The following STAB2 variants were observed in gnomAD, a reference collection of about 807,000 sequenced individuals.
STAB2 encodes stabilin-2.
Under a neutral mutation model 338.1 loss-of-function variants are expected in STAB2, and 288 were observed. The observed-to-expected ratio is 0.85, with a 90% confidence interval of 0.77 to 0.94. The LOEUF is 0.94. Ranked by LOEUF, STAB2 falls within the 40% of genes least tolerant of loss-of-function variation. The pLI is 0.00. For missense variants in STAB2, 3,141 were observed against 3,210.1 expected (o/e 0.98, Z 0.52); for synonymous variants, 1,202 against 1,193.3 (o/e 1.01, Z -0.15).
At chr12:103,737,246 G>A (rs1168390042) in intron 52 of STAB2, among the ~76,000 whole-genome samples, 1 of 152,184 alleles carries the variant, frequency 6.6e-6, no homozygotes, top group East Asian at 1.9e-4. Flanking sequence ...GTTCAAGGGG[G>A]CAGGCTTTGA....
intron 41 of STAB2, 55 bp from the exon 42 acceptor site, chr12:103,713,588 C>T: frequency 6.2e-7 from 1 of 1,601,150 alleles, no homozygotes; most frequent in Non-Finnish European, 8.5e-7. Flanking sequence ...AGGAAAAATA[C>T]ATCAATGGCT....
intron 25 of STAB2, among the ~76,000 whole-genome samples, chr12:103,681,603 T>C (rs893887678): frequency 5.3e-5 from 8 of 149,964 alleles, no homozygotes; most frequent in African/African-American, 2.0e-4. Flanking sequence ...TGTCTCCAAA[T>C]TCCCCCCTAC....
intron 3 of STAB2, among the ~76,000 whole-genome samples, chr12:103,600,347 A>G (rs1956935731): frequency 6.6e-6 from 1 of 152,212 alleles, no homozygotes; most frequent in African/African-American, 2.4e-5. Flanking sequence ...TGAGGAGTGT[A>G]AAGAAGGTGA....
chr12:103,660,653 T>A (rs1207066927), intron 16 of STAB2, 30 bp from the exon 17 acceptor site: 1 of 1,612,662 alleles, frequency 6.2e-7, no homozygotes, highest in South Asian at 1.1e-5. Flanking sequence ...GTCCCAAATA[T>A]CTCTGCCTTT....
chr12:103,746,790 G>A, intron 58 of STAB2, 86 bp downstream of exon 58: 1 of 1,374,708 alleles, frequency 7.3e-7, no homozygotes, highest in Non-Finnish European at 1.0e-6. Context: ...CTTCATCCTA[G>A]CCCTCCTTCC....
chr12:103,677,358 T>G (rs922082319), intron 24 of STAB2, 95 bp from the exon 25 acceptor site: 1 of 1,467,780 alleles, frequency 6.8e-7, no homozygotes, highest in Non-Finnish European at 9.2e-7. Context: ...AAATCTGTGT[T>G]TCTGGAACAT....
rs200646555 is a variant in STAB2 at position 103,742,425 on chromosome 12, G to A, written c.5902G>A (p.Ala1968Thr). 2.5e-5 allele frequency: 41 copies of A among 1,614,046 alleles called. No individual in the cohort carries two copies. The highest frequency in any genetic ancestry group is 2.7e-5 in the Non-Finnish European group (32 of 1,180,024). Residue 1968 changes from alanine to threonine, a missense_variant, in exon 56 of 69, where the codon GCC becomes ACC. By Grantham distance (58) the Ala-to-Thr change is moderately conservative (BLOSUM62 0). Transcript: ENST00000388887. The part of the protein sequence containing the change: ...DCQACPGGPD[A>T]PCNNRGVCLD... ...TCCAGCCTGCCCTGGAGGACCAGAT[G>A]CCCCGTGTAATAACCGGGGTGTCTG...
Position 103,755,326 on chromosome 12 carries a change from G to C in STAB2, c.6739G>C (p.Gly2247Arg). 6.2e-7 allele frequency: 1 copy of C among 1,614,118 alleles called. No homozygotes were observed. ...QKAKYHLCSA[G>R]WLETGRVAYP... ...GGCCAAGTACCACCTGTGCTCAGCA[G>C]GCTGGCTGGAGACCGGGCGGGTTGC... is the stretch of plus-strand genomic sequence containing the variant. The change falls in exon 62 of 69, where the codon GGC becomes CGC. Residue 2247 changes from glycine to arginine, a missense_variant. Physicochemically the swap from Gly to Arg is moderately radical, Grantham distance 125. Transcript: ENST00000388887.
chr12:103,590,815 A>G, intron 1 of STAB2, 82 bp from the exon 2 acceptor site: 1 of 1,530,690 alleles, frequency 6.5e-7, no homozygotes, highest in Non-Finnish European at 9.0e-7. Context: ...GAGACATTCC[A>G]GTGGAGAAGA....
At chr12:103,653,572 C>CTGGA (rs1433019332) in intron 12 of STAB2, among the ~76,000 whole-genome samples, 2 of 138,416 alleles carry the variant, frequency 1.4e-5, no homozygotes, top group Non-Finnish European at 3.1e-5. Flanking sequence ...GGATAGGTCA[C>CTGGA]TGGATGGATG....
chr12:103,610,834 A>T (rs1957111368), intron 3 of STAB2, among the ~76,000 whole-genome samples: 1 of 152,122 alleles, frequency 6.6e-6, no homozygotes, highest in Non-Finnish European at 1.5e-5. Context: ...TAGTGCTATA[A>T]ATTTCCCTCT....
At chr12:103,593,592 T>C (rs565751159) in intron 2 of STAB2, among the ~76,000 whole-genome samples, 3 of 152,346 alleles carry the variant, frequency 2.0e-5, no homozygotes, top group African/African-American at 7.2e-5. Flanking sequence ...TATCCCCAAC[T>C]TGACTGTTCG....
intron 4 of STAB2, 53 bp downstream of exon 4, chr12:103,620,606 A>T: frequency 7.0e-7 from 1 of 1,430,650 alleles, no homozygotes; most frequent in Non-Finnish European, 9.6e-7. Flanking sequence ...CCATCTTCTT[A>T]CCTGTTGATC....
chr12:103,708,618 T>C (rs1445216326), intron 39 of STAB2, 82 bp downstream of exon 39: 2 of 1,311,654 alleles, frequency 1.5e-6, no homozygotes. Context: ...AAAATATAAA[T>C]GACACCTTTT....
At chr12:103,741,881 C>A (rs900190928) in intron 55 of STAB2, among the ~76,000 whole-genome samples, 2 of 152,224 alleles carry the variant, frequency 1.3e-5, no homozygotes, top group Admixed American at 1.3e-4. Context: ...TCATCATAAT[C>A]TCACTGAGAA....
chr12:103,678,783 C>G (rs866375093), intron 25 of STAB2, among the ~76,000 whole-genome samples: 1 of 152,038 alleles, frequency 6.6e-6, no homozygotes, highest in South Asian at 2.1e-4. Flanking sequence ...CCACCTGCCT[C>G]GGCCTCCCAA....
chr12:103,713,590 T>C (rs1468111983), intron 41 of STAB2, 53 bp from the exon 42 acceptor site: 1 of 1,602,994 alleles, frequency 6.2e-7, no homozygotes, highest in Non-Finnish European at 8.5e-7. Context: ...GAAAAATACA[T>C]CAATGGCTTT....
Position 103,689,861 on chromosome 12 carries a change from C to A in STAB2, c.3061C>A (p.Pro1021Thr). Residue 1021 changes from proline to threonine, a missense_variant, in exon 29 of 69, where the codon CCC becomes ACC. Transcript: ENST00000388887. ...NRWINNASLQ[P>T]TLSATSNLTV... is the part of the protein sequence containing the mutation. ...TGTGGTTCAGAATGCTTCTCTACAA[C>A]CCACACTGTCAGCCACCTCAAACCT... 6.2e-7 allele frequency: 1 copy of A among 1,613,938 alleles called. No homozygotes were observed. Among genetic ancestry groups the A allele is most frequent in the Non-Finnish European group, 8.5e-7 (1 of 1,179,918 alleles).
At chr12:103,694,357 T>G (rs1300478696) in intron 31 of STAB2, among the ~76,000 whole-genome samples, 1 of 152,178 alleles carries the variant, frequency 6.6e-6, no homozygotes, top group Non-Finnish European at 1.5e-5. Context: ...AAATCCCGTC[T>G]AATCACCTTA....
Sources: gnomAD v4.1 joint callset for allele counts (sites outside exome capture counted in the v4.1 genomes callset) on GRCh38, gnomAD v4.1.1 for gene constraint, MANE v1.5 for transcripts, NCBI Gene and HGNC (gene_info 2026-07-23, HGNC 2026-07-21) for gene names.